GPATCH2: variants seen among roughly 807,000 people sequenced by gnomAD.
GPATCH2 encodes the protein G patch domain-containing protein 2.
Under a neutral mutation model 58.0 loss-of-function variants are expected in GPATCH2, and 51 were observed. The observed-to-expected ratio is 0.88, with a 90% CI of 0.70 to 1.11. The LOEUF (loss-of-function observed/expected upper bound fraction) is 1.11, where lower values mean the gene tolerates loss of function less well. Among genes scored for constraint, GPATCH2 ranks in the 50% most tolerant of loss-of-function variants. GPATCH2 has a pLI of 0.00. For synonymous variants in GPATCH2, 222 were observed against 218.5 expected (o/e 1.02, Z -0.14); for missense variants, 625 against 652.2 (o/e 0.96, Z 0.45).
chr1:217,564,842 G>A (rs976385375), intron 5 of GPATCH2, among the ~76,000 whole-genome samples: 1 of 152,084 alleles, frequency 6.6e-6, no homozygotes, highest in African/African-American at 2.4e-5. Flanking sequence ...AGACAAAAAC[G>A]TGCTGCTGGC....
chr1:217,468,556 CACACACAG>C (rs1191166049), intron 8 of GPATCH2, among the ~76,000 whole-genome samples: 126 of 118,368 alleles, frequency 1.1e-3, no homozygotes, highest in Non-Finnish European at 1.3e-3. Context: ...CACACACACA[CACACACAG>C]AGAGAAAGAG....
At chr1:217,451,616 A>G (rs547970937) in intron 8 of GPATCH2, among the ~76,000 whole-genome samples, 12 of 152,318 alleles carry the variant, frequency 7.9e-5, no homozygotes, top group African/African-American at 2.6e-4. Context: ...ACCTTTTTGT[A>G]AAAAAGTATC....
chr1:217,573,418 T>C (rs1666658509), intron 5 of GPATCH2, among the ~76,000 whole-genome samples: 1 of 152,200 alleles, frequency 6.6e-6, no homozygotes, highest in South Asian at 2.1e-4. Context: ...CTAACAGTTT[T>C]CAACTCTTTA....
Position 217,614,452 on chromosome 1 carries a change from C to T in GPATCH2, c.774-250G>A, listed in dbSNP as rs370359576. 3.3e-5 allele frequency among the ~76,000 whole-genome samples: 5 copies of T among 152,018 alleles called. No homozygotes were observed. The South Asian group carries it at 6.2e-4, about 19-fold the overall frequency. On this transcript the variant is annotated intron_variant, in intron 2 of 9. Coordinates refer to ENST00000366935, the MANE Select transcript of GPATCH2 (RefSeq NM_018040.5). ...GACAGTAAGCCAGATGTGACTGCAA[C>T]GAGATGCTGACACAATTGATGCATT...
intron 8 of GPATCH2, among the ~76,000 whole-genome samples, chr1:217,485,550 T>C (rs144021060): frequency 6.6e-6 from 1 of 152,072 alleles, no homozygotes; most frequent in African/African-American, 2.4e-5. Context: ...CTTTGTAAAT[T>C]GGTGAAAATC....
At chr1:217,547,340 G>A (rs71645484) in intron 5 of GPATCH2, among the ~76,000 whole-genome samples, 25,881 of 145,930 alleles carry the variant, frequency 0.18, 2,613 homozygotes, top group East Asian at 0.39. Flanking sequence ...TCCAGCCTGG[G>A]TGACAGCGCA....
chr1:217,519,018 G>A (rs1262073551), intron 5 of GPATCH2, among the ~76,000 whole-genome samples: 1 of 152,186 alleles, frequency 6.6e-6, no homozygotes. Flanking sequence ...TTATTAATTT[G>A]ACTCAACTTC....
Position 217,630,954 on chromosome 1 carries a change from C to G in GPATCH2, c.18G>C (p.Gly6=). MFGAA[G]RQPIGAPAAG... ...CTGCTGGAGCTCCGATCGGTTGGCG[C>G]CCGGCGGCCCCGAACATTAACGACA... The change falls in exon 1 of 10, where the codon GGG becomes GGC. Residue 6 remains glycine (G), a synonymous_variant. Coordinates refer to ENST00000366935, the MANE Select transcript of GPATCH2 (RefSeq NM_018040.5). 6.3e-7 allele frequency: 1 copy of G among 1,587,990 alleles called. No homozygotes were observed. The highest frequency in any genetic ancestry group is 8.5e-7 in the Non-Finnish European group (1 of 1,172,360).
At chr1:217,503,796 GA>G (rs951445441) in intron 6 of GPATCH2, among the ~76,000 whole-genome samples, 5 of 150,672 alleles carry the variant, frequency 3.3e-5, no homozygotes, top group Non-Finnish European at 5.9e-5. Flanking sequence ...ATTCCAGGAG[GA>G]AAAAAAAAGT....
intron 5 of GPATCH2, among the ~76,000 whole-genome samples, chr1:217,540,874 C>G (rs974721931): frequency 6.6e-6 from 1 of 152,118 alleles, no homozygotes; most frequent in East Asian, 1.9e-4. Flanking sequence ...AACAATCGAC[C>G]CTTATTTTTG....
intron 5 of GPATCH2, among the ~76,000 whole-genome samples, chr1:217,575,056 C>T (rs969339457): frequency 1.3e-5 from 2 of 152,118 alleles, no homozygotes; most frequent in Admixed American, 6.5e-5. Context: ...AACCTTTCCA[C>T]TTAACATCAT....
At chr1:217,528,677 C>T (rs1349495072) in intron 5 of GPATCH2, among the ~76,000 whole-genome samples, 1 of 152,140 alleles carries the variant, frequency 6.6e-6, no homozygotes, top group Non-Finnish European at 1.5e-5. Flanking sequence ...AGAGGTGCCA[C>T]ATTTGAACTG....
In GPATCH2 at chr1:217,620,428, GC is replaced by G; in HGVS notation, c.127del (p.Ala43LeufsTer19). The G allele has an allele frequency of 6.2e-7, 1 of 1,613,994 alleles. No homozygotes were observed. The highest frequency in any genetic ancestry group is 8.5e-7 in the Non-Finnish European group (1 of 1,179,940). On this transcript the variant is annotated frameshift_variant, in exon 2 of 10. Coordinates refer to ENST00000366935, the MANE Select transcript of GPATCH2 (RefSeq NM_018040.5). LOFTEE classifies it high-confidence loss of function. Reference protein sequence around the residue: ...VSALEESSEQARGGFAETGDH... With the variant: ...VSALEESSEQXRGGFAETGDH... ...TCCTGTTTCAGCAAATCCACCTCGA[GC>G]TTGCTCTGAGCTCTCTTCCAATGCT...
At chr1:217,568,074 G>T (rs1228815161) in intron 5 of GPATCH2, among the ~76,000 whole-genome samples, 1 of 152,124 alleles carries the variant, frequency 6.6e-6, no homozygotes, top group Admixed American at 6.5e-5. Flanking sequence ...CCGAGATCGT[G>T]CCACTGCACT....
intron 5 of GPATCH2, among the ~76,000 whole-genome samples, chr1:217,524,027 G>A (rs1461987884): frequency 6.8e-6 from 1 of 146,822 alleles, no homozygotes; most frequent in African/African-American, 2.5e-5. Flanking sequence ...GGGGCGGCCA[G>A]GCAGAGGTGC....
At chr1:217,472,654 AG>A (rs1660781977) in intron 8 of GPATCH2, among the ~76,000 whole-genome samples, 2 of 152,206 alleles carry the variant, frequency 1.3e-5, no homozygotes, top group African/African-American at 2.4e-5. Flanking sequence ...TGCTAACCAA[AG>A]GTTTCTGACA....
At chr1:217,477,108 G>A (rs1320349273) in intron 8 of GPATCH2, among the ~76,000 whole-genome samples, 1 of 152,156 alleles carries the variant, frequency 6.6e-6, no homozygotes, top group Non-Finnish European at 1.5e-5. Context: ...GCTCCTGGAT[G>A]ACATTTCTAG....
chr1:217,570,146 A>C (rs1666463684), intron 5 of GPATCH2, among the ~76,000 whole-genome samples: 1 of 152,040 alleles, frequency 6.6e-6, no homozygotes, highest in Non-Finnish European at 1.5e-5. Flanking sequence ...AGTCTCGCTC[A>C]TGTTGCCCAG....
chr1:217,443,413 A>T (rs997116190), intron 9 of GPATCH2, among the ~76,000 whole-genome samples: 3 of 152,142 alleles, frequency 2.0e-5, no homozygotes, highest in African/African-American at 7.2e-5. Context: ...GTACAATTTC[A>T]TTCTTACGTA....
Sources: gnomAD v4.1 joint callset for allele counts (sites outside exome capture counted in the v4.1 genomes callset) on GRCh38, gnomAD v4.1.1 for gene constraint, MANE v1.5 for transcripts, NCBI Gene and HGNC (gene_info 2026-07-23, HGNC 2026-07-21) for gene names.